The following CEP55 variants were observed in gnomAD, a reference collection of about 807,000 sequenced individuals.
CEP55 encodes the protein centrosomal protein of 55 kDa.
Under a neutral mutation model 63.2 loss-of-function variants are expected in CEP55, and 57 were observed. The ratio of observed to expected loss-of-function variants is 0.90; its 90% CI spans 0.73 to 1.13. The LOEUF is 1.13. Among genes scored for constraint, CEP55 ranks in the 50% most tolerant of loss-of-function variants. The probability of loss-of-function intolerance (pLI) is 0.00; values close to 1 mark genes in which losing one functional copy is unlikely to be tolerated. For missense variants in CEP55, 456 were observed against 518.9 expected, an observed-to-expected ratio of 0.88 and a Z score of 1.18; for synonymous variants, 178 against 191.6, an observed-to-expected ratio of 0.93 and a Z score of 0.59.
Position 93,527,808 on chromosome 10 carries a change from G to A in CEP55, c.1192-142G>A, listed in dbSNP as rs2057939058. The A allele has an allele frequency of 2.0e-5, 13 of 661,584 alleles. No individual in the cohort carries two copies. In the South Asian group the frequency reaches 2.6e-4, roughly 13 times the overall value. The allele number at this position is 661,584 out of a possible 1,614,324, so 41.0% of individuals were successfully genotyped here. A position where few individuals can be genotyped will look rare whatever the true frequency, so the allele number is the denominator to read the frequency against. ...AGGTGAGAGGATTGCTTAAGCCTGG[G>A]AGGTCGAGGCTGCAGTGAGCCATGT... On this transcript the variant is annotated intron_variant, in intron 8 of 8. Transcript: ENST00000371485.
At chr10:93,501,556 C>T (rs2057635166) in intron 2 of CEP55, among the ~76,000 whole-genome samples, 2 of 152,004 alleles carry the variant, frequency 1.3e-5, no homozygotes, top group African/African-American at 4.8e-5. Context: ...GTAATCCCAA[C>T]TACTCGGGAA....
At chr10:93,520,754 C>T (rs2057852581) in intron 8 of CEP55, among the ~76,000 whole-genome samples, 2 of 151,574 alleles carry the variant, frequency 1.3e-5, no homozygotes, top group South Asian at 4.2e-4. Flanking sequence ...TATGATTCCT[C>T]AGTTTTCAAA....
intron 8 of CEP55, 31 bp from the exon 9 acceptor site, chr10:93,527,919 C>A: frequency 1.3e-6 from 2 of 1,565,110 alleles, no homozygotes; most frequent in African/African-American, 1.4e-5. Context: ...GCCCTATTTA[C>A]AAATTCTATT....
At chr10:93,518,292 G>GCTACTCA (rs2057824421) in intron 6 of CEP55, among the ~76,000 whole-genome samples, 1 of 152,100 alleles carries the variant, frequency 6.6e-6, no homozygotes, top group African/African-American at 2.4e-5. Context: ...TGGGATTACA[G>GCTACTCA]GTGCCCACCA....
chr10:93,506,871 G>A, intron 3 of CEP55, 117 bp from the exon 4 acceptor site: 1 of 768,500 alleles, frequency 1.3e-6, no homozygotes, highest in Middle Eastern at 2.3e-4. Context: ...ACCGTGCCCA[G>A]CCTAGATCTG....
intron 1 of CEP55, 144 bp downstream of exon 1, chr10:93,497,067 G>A (rs148154237): frequency 4.8e-5 from 5 of 104,632 alleles, no homozygotes; most frequent in Admixed American, 9.7e-5. Flanking sequence ...GAAAACTTGT[G>A]CCTTTTTTTG....
At position 93,515,502 on chromosome 10, in the gene CEP55, C is replaced by A. The variant is rs199775989; in HGVS notation, c.626C>A (p.Thr209Lys). ...LAKIFELEKK[T>K]ETAAHSLPQQ... is the part of the protein sequence containing the mutation. ...AAGATCTTTGAGTTGGAAAAGAAAACGGAAACAGCTGCTCATTCACTCCCA... is the reference window on the plus strand; with the variant it reads ...AAGATCTTTGAGTTGGAAAAGAAAAAGGAAACAGCTGCTCATTCACTCCCA... The change falls in exon 5 of 9, where the codon ACG becomes AAG. Residue 209 changes from threonine (T) to lysine (K), a missense_variant. By Grantham distance (78) the Thr-to-Lys change is moderately conservative. Coordinates refer to ENST00000371485, the MANE Select transcript of CEP55 (RefSeq NM_018131.5). 3 of 1,613,530 alleles carry A rather than the reference C, an allele frequency of 1.9e-6. No individual in the cohort carries two copies. Among genetic ancestry groups the A allele is most frequent in the Admixed American group, 1.7e-5 (1 of 59,974 alleles).
chr10:93,503,186 G>A lies in CEP55; in HGVS notation c.257G>A (p.Arg86Gln), dbSNP rs1386412195. The stretch of plus-strand genomic sequence containing the variant: ...ACAGAGAAGGACAAAGAAATACAGC[G>A]ACTGAGAGACCAACTGAAGGCCAGA... Reference protein sequence around the residue: ...QLTEKDKEIQRLRDQLKARYS... With the variant: ...QLTEKDKEIQQLRDQLKARYS... The change falls in exon 3 of 9, where the codon CGA becomes CAA. Residue 86 changes from arginine to glutamine, a missense_variant. By Grantham distance (43) the Arg-to-Gln change is conservative (BLOSUM62 1). Transcript: ENST00000371485. The A allele has an allele frequency of 8.1e-6, 13 of 1,614,018 alleles. No homozygotes were observed. Among genetic ancestry groups the A allele is most frequent in the Middle Eastern group, 1.6e-4 (1 of 6,062 alleles).
intron 2 of CEP55, among the ~76,000 whole-genome samples, chr10:93,502,587 A>G (rs2057645565): frequency 6.6e-6 from 1 of 152,244 alleles, no homozygotes; most frequent in Admixed American, 6.5e-5. Context: ...GATGTTAAGC[A>G]TTCCTTTAGA....
At chr10:93,527,623 C>T (rs570804113) in intron 8 of CEP55, among the ~76,000 whole-genome samples, 96 of 152,152 alleles carry the variant, frequency 6.3e-4, no homozygotes, top group Non-Finnish European at 1.2e-3. Flanking sequence ...CCCAACACTT[C>T]GGGAGGCTGA....
At chr10:93,499,929 T>G in intron 1 of CEP55, 111 bp from the exon 2 acceptor site, 1 of 688,766 alleles carries the variant, frequency 1.5e-6, no homozygotes, top group African/African-American at 1.8e-5. Flanking sequence ...CATACCCTGC[T>G]GGTTTGGATA....
intron 3 of CEP55, among the ~76,000 whole-genome samples, chr10:93,506,457 C>G (rs2057689625): frequency 6.6e-6 from 1 of 152,166 alleles, no homozygotes; most frequent in South Asian, 2.1e-4. Context: ...TAGAAAATCT[C>G]AGGATTTCCA....
At chr10:93,514,630 A>G (rs372453929) in intron 4 of CEP55, among the ~76,000 whole-genome samples, 41 of 152,260 alleles carry the variant, frequency 2.7e-4, no homozygotes, top group South Asian at 1.2e-3. Context: ...TTGGGCAGCA[A>G]TAGTTAGGCA....
intron 1 of CEP55, among the ~76,000 whole-genome samples, chr10:93,499,270 T>C (rs2057606017): frequency 6.6e-6 from 1 of 152,164 alleles, no homozygotes; most frequent in Non-Finnish European, 1.5e-5. Flanking sequence ...TGAACTAGGC[T>C]ACCTTCTAAA....
intron 4 of CEP55, chr10:93,510,679 A>G (rs2057737344): frequency 6.6e-6 from 1 of 152,236 alleles, no homozygotes; most frequent in Non-Finnish European, 1.5e-5. Flanking sequence ...ATGGCCGTAG[A>G]CTTCAATGTG....
At chr10:93,515,091 A>C (rs1248624502) in intron 4 of CEP55, among the ~76,000 whole-genome samples, 2 of 152,196 alleles carry the variant, frequency 1.3e-5, no homozygotes, top group Non-Finnish European at 2.9e-5. Flanking sequence ...AGGGCTCTTG[A>C]AGGGGGATTC....
At chr10:93,498,917 T>C (rs2057603210) in intron 1 of CEP55, among the ~76,000 whole-genome samples, 1 of 152,172 alleles carries the variant, frequency 6.6e-6, no homozygotes, top group East Asian at 1.9e-4. Flanking sequence ...TACTCCTTTA[T>C]ATCCTTTAAT....
intron 7 of CEP55, chr10:93,519,242 A>G: frequency 2.4e-6 from 1 of 422,576 alleles, no homozygotes; most frequent in South Asian, 3.5e-5. Flanking sequence ...TGTAGCTCCT[A>G]GCCTAACAAT....
At chr10:93,516,354 C>T (rs1722469730) in intron 5 of CEP55, among the ~76,000 whole-genome samples, 1 of 152,196 alleles carries the variant, frequency 6.6e-6, no homozygotes, top group South Asian at 2.1e-4. Context: ...TCAAAGCTGT[C>T]AGCCCTAATG....
Sources: gnomAD v4.1 joint callset for allele counts (sites outside exome capture counted in the v4.1 genomes callset) on GRCh38, gnomAD v4.1.1 for gene constraint, MANE v1.5 for transcripts, NCBI Gene and HGNC (gene_info 2026-07-23, HGNC 2026-07-21) for gene names.